The following MRPL1 variants were observed in gnomAD, a reference collection of about 807,000 sequenced individuals.
MRPL1 encodes the protein mitochondrial ribosomal protein L1.
MRPL1 carries 28 observed loss-of-function variants against 38.0 expected under a neutral mutation model. The ratio of observed to expected loss-of-function variants is 0.74; its 90% confidence interval spans 0.55 to 1.01. The LOEUF (loss-of-function observed/expected upper bound fraction) is 1.01, where lower values mean the gene tolerates loss of function less well. Ranked by LOEUF, MRPL1 falls within the 50% of genes least tolerant of loss-of-function variation. The probability of loss-of-function intolerance (pLI) is 0.00; values close to 1 mark genes in which losing one functional copy is unlikely to be tolerated. For synonymous variants in MRPL1, 123 were observed against 126.7 expected, an observed-to-expected ratio of 0.97 and a Z score of 0.20; for missense variants, 358 against 389.8, an observed-to-expected ratio of 0.92 and a Z score of 0.69.
chr4:77,901,801 A>G (rs1277623903), intron 6 of MRPL1, among the ~76,000 whole-genome samples: 2 of 152,194 alleles, frequency 1.3e-5, no homozygotes, highest in Admixed American at 1.3e-4. Flanking sequence ...GAACATATAG[A>G]CAGAAAATTA....
chr4:77,920,734 C>G (rs1025780310), intron 7 of MRPL1, among the ~76,000 whole-genome samples: 1 of 151,974 alleles, frequency 6.6e-6, no homozygotes, highest in African/African-American at 2.4e-5. Context: ...GCTTTTATTC[C>G]CTCTATAGTA....
chr4:77,927,043 AC>A (rs757828937), intron 7 of MRPL1, among the ~76,000 whole-genome samples: 1 of 148,182 alleles, frequency 6.7e-6, no homozygotes, highest in Non-Finnish European at 1.5e-5. Flanking sequence ...TTCTCTCATT[AC>A]TTTTTTATCC....
chr4:77,904,144 G>A (rs1334266111), intron 6 of MRPL1, among the ~76,000 whole-genome samples: 1 of 152,016 alleles, frequency 6.6e-6, no homozygotes, highest in African/African-American at 2.4e-5. Context: ...CTACTTGGGA[G>A]GCCGAGGTGG....
At chr4:77,880,495 CTTTTTT>C (rs200273544) in intron 2 of MRPL1, among the ~76,000 whole-genome samples, 1 of 121,672 alleles carries the variant, frequency 8.2e-6, no homozygotes, top group African/African-American at 2.9e-5. Flanking sequence ...TCTGCAAGGT[CTTTTTT>C]TTTTTTTTTT....
rs17002849 is a variant in MRPL1 at position 77,952,475 on chromosome 4, G to A, written c.860-14G>A. The stretch of plus-strand genomic sequence containing the variant: ...GATATAAAAATCAAAGTTGATTCTC[G>A]TTTTTGTTTCCAGGTCCCTTTGTGG... On this transcript the variant is annotated splice_polypyrimidine_tract_variant and intron_variant, in intron 8 of 8. Transcript: ENST00000315567. The A allele has an allele frequency of 0.3, 475,411 of 1,577,252 alleles. 73,613 individuals are homozygous for A. The highest frequency in any genetic ancestry group is 0.43 in the East Asian group (19,139 of 44,490).
At chr4:77,900,874 A>G (rs903479264) in intron 6 of MRPL1, among the ~76,000 whole-genome samples, 1 of 152,222 alleles carries the variant, frequency 6.6e-6, no homozygotes, top group African/African-American at 2.4e-5. Context: ...AGGCGATTAC[A>G]GTAATCCAGG....
chr4:77,920,078 A>G (rs760164882), intron 7 of MRPL1, among the ~76,000 whole-genome samples: 2 of 152,202 alleles, frequency 1.3e-5, no homozygotes, highest in Admixed American at 6.5e-5. Flanking sequence ...AAGAAGTGCA[A>G]TGTACTATGA....
chr4:77,952,444 T>C, intron 8 of MRPL1, 45 bp from the exon 9 acceptor site: 2 of 1,276,904 alleles, frequency 1.6e-6, no homozygotes, highest in Non-Finnish European at 2.3e-6. Flanking sequence ...CATGAGGTGG[T>C]ATTGCGATAT....
intron 6 of MRPL1, among the ~76,000 whole-genome samples, chr4:77,903,706 T>C (rs1460169576): frequency 6.6e-6 from 1 of 152,132 alleles, no homozygotes; most frequent in Non-Finnish European, 1.5e-5. Context: ...GAAATAAAAA[T>C]ATTTAAGAGG....
intron 4 of MRPL1, 55 bp downstream of exon 4, chr4:77,885,394 G>C: frequency 7.4e-7 from 1 of 1,359,798 alleles, no homozygotes; most frequent in South Asian, 1.2e-5. Context: ...TTGAGACGGA[G>C]TCTCACTCTG....
At chr4:77,862,927 C>A in intron 1 of MRPL1, 48 bp downstream of exon 1, 1 of 1,612,100 alleles carries the variant, frequency 6.2e-7, no homozygotes, top group Non-Finnish European at 8.5e-7. Flanking sequence ...GGCACCGAGT[C>A]TCTGGTTGCA....
chr4:77,876,806 A>G (rs926726783), intron 2 of MRPL1, among the ~76,000 whole-genome samples: 1 of 152,162 alleles, frequency 6.6e-6, no homozygotes, highest in Non-Finnish European at 1.5e-5. Context: ...TCTATTTGCC[A>G]GTAGCAGATC....
intron 6 of MRPL1, among the ~76,000 whole-genome samples, chr4:77,902,804 G>A (rs982237758): frequency 6.6e-6 from 1 of 151,952 alleles, no homozygotes; most frequent in African/African-American, 2.4e-5. Context: ...AAAAGTTTCT[G>A]GAAGAAATGG....
At position 77,935,114 on chromosome 4, in the gene MRPL1, G is replaced by A. The variant is rs1736934130; in HGVS notation, c.778-14683G>A. 2.0e-5 allele frequency among the ~76,000 whole-genome samples: 3 copies of A among 152,110 alleles called. No individual in the cohort carries two copies. The South Asian group carries it at 6.2e-4, about 32-fold the overall frequency. On this transcript the variant is annotated intron_variant, in intron 7 of 8. Coordinates refer to ENST00000315567, the MANE Select transcript of MRPL1 (RefSeq NM_020236.4). ...TCAAAAAGAACACTAGTAAATAAGT[G>A]GTTACCAGGAGTCAGGAGTGGATGG... is the stretch of plus-strand genomic sequence containing the variant.
rs1468774569 is a variant in MRPL1, at chr4:77,898,988, GATTT to G, written c.670+4739_670+4742del. On this transcript the variant is annotated intron_variant, in intron 6 of 8. Coordinates refer to ENST00000315567, the MANE Select transcript of MRPL1 (RefSeq NM_020236.4). ...AACTTTTTACAGTTACTTATGCACA[GATTT>G]TTTTTTTTTTTTTTTTTTTGAGACA... 1.1e-4 allele frequency among the ~76,000 whole-genome samples: 15 copies of G among 140,648 alleles called. 1 individual carries two copies. The highest frequency in any genetic ancestry group is 2.1e-4 in the East Asian group (1 of 4,800). The allele number at this position is 140,648 out of a possible 152,430, so 92.3% of individuals were successfully genotyped here. A position where few individuals can be genotyped will look rare whatever the true frequency, so the allele number is the denominator to read the frequency against.
chr4:77,930,278 T>C lies in MRPL1; in HGVS notation c.778-19519T>C, dbSNP rs570578567. On this transcript the variant is annotated intron_variant, in intron 7 of 8. Transcript: ENST00000315567. ...CAATCCCTGGGCTATGGACTGATAA[T>C]GGTCCGTGTCCTATTATGAACTGGG... is the stretch of plus-strand genomic sequence containing the variant. Among the ~76,000 whole-genome samples the C allele has an allele frequency of 2.6e-5, 4 of 152,280 alleles. No homozygotes were observed. The South Asian group carries it at 8.3e-4, about 32-fold the overall frequency.
chr4:77,927,160 A>C (rs1736732288), intron 7 of MRPL1, among the ~76,000 whole-genome samples: 1 of 152,214 alleles, frequency 6.6e-6, no homozygotes, highest in Non-Finnish European at 1.5e-5. Flanking sequence ...ATTAGTGGGA[A>C]GTGTGTCTCA....
At chr4:77,873,815 A>G (rs1224975383) in intron 2 of MRPL1, among the ~76,000 whole-genome samples, 5 of 152,342 alleles carry the variant, frequency 3.3e-5, no homozygotes, top group Admixed American at 3.3e-4. Flanking sequence ...AGTAGATAAA[A>G]GATAATTCAT....
chr4:77,878,992 C>T (rs1467752080), intron 2 of MRPL1, among the ~76,000 whole-genome samples: 6 of 152,138 alleles, frequency 3.9e-5, no homozygotes, highest in Admixed American at 6.5e-5. Context: ...TCTTATTACT[C>T]GTTTAATCTG....
Sources: allele counts gnomAD v4.1 joint callset (sites outside exome capture counted in the v4.1 genomes callset), GRCh38; gene constraint gnomAD v4.1.1; transcripts MANE v1.5; gene names NCBI Gene and HGNC (gene_info 2026-07-23, HGNC 2026-07-21).